ZNF69: variants seen among roughly 807,000 people sequenced by gnomAD.
ZNF69 encodes ZNF3.
Under a neutral mutation model 50.9 loss-of-function variants are expected in ZNF69, and 47 were observed. The ratio of observed to expected loss-of-function variants is 0.92; its 90% confidence interval spans 0.73 to 1.18. The LOEUF is 1.18. Ranked by LOEUF, ZNF69 falls within the 50% of genes most tolerant of loss-of-function variation. The pLI, the probability that ZNF69 is intolerant of heterozygous loss-of-function variation, is 0.00. For synonymous variants in ZNF69, 216 were observed against 223.1 expected, an observed-to-expected ratio of 0.97 and a Z score of 0.29; for missense variants, 717 against 675.1, an observed-to-expected ratio of 1.06 and a Z score of -0.69.
chr19:11,888,016 C>A (rs1349654693), intron 1 of ZNF69, 30 bp downstream of exon 1: 1 of 1,566,580 alleles, frequency 6.4e-7, no homozygotes, highest in Non-Finnish European at 8.7e-7. Flanking sequence ...TGTCGTGAGA[C>A]GGGGGAGGGG....
chr19:11,972,153 T>A, the ZNF69 span, among the ~76,000 whole-genome samples: 1 of 151,750 alleles, frequency 6.6e-6, no homozygotes, highest in African/African-American at 2.4e-5. Flanking sequence ...GTCATGGTGA[T>A]GTGTACCTGT....
the ZNF69 span, among the ~76,000 whole-genome samples, chr19:11,935,777 T>G: frequency 6.6e-6 from 1 of 152,208 alleles, no homozygotes; most frequent in Non-Finnish European, 1.5e-5. Context: ...TACATAGGTA[T>G]AACATGTGCC....
the ZNF69 span, among the ~76,000 whole-genome samples, chr19:11,955,768 A>G: frequency 6.6e-6 from 1 of 152,220 alleles, no homozygotes; most frequent in Middle Eastern, 3.2e-3. Flanking sequence ...CCTCCTTTGC[A>G]GGTTGGAGAA....
At chr19:11,959,462 T>C in the ZNF69 span, among the ~76,000 whole-genome samples, 2 of 152,162 alleles carry the variant, frequency 1.3e-5, no homozygotes, top group African/African-American at 4.8e-5. Context: ...CTTTGTATCT[T>C]TGTCATCTCT....
the ZNF69 span, among the ~76,000 whole-genome samples, chr19:11,963,566 A>G: frequency 6.6e-6 from 1 of 152,014 alleles, no homozygotes; most frequent in Admixed American, 6.6e-5. Context: ...CTCCTCATCA[A>G]TGACTTCTTT....
At chr19:11,947,360 G>T in the ZNF69 span, 1 of 1,610,816 alleles carries the variant, frequency 6.2e-7, no homozygotes, top group East Asian at 2.2e-5. Flanking sequence ...AGTGTTTCTA[G>T]CTCATGAATG....
At chr19:11,965,437 G>T in the ZNF69 span, among the ~76,000 whole-genome samples, 1 of 152,304 alleles carries the variant, frequency 6.6e-6, no homozygotes, top group Non-Finnish European at 1.5e-5. Flanking sequence ...CTGCGGCCCC[G>T]CCCCGGAGCC....
In ZNF69 at chr19:11,887,856, C is replaced by G. The variant is rs1041760735; in HGVS notation, c.-68C>G. ...CCCTGCGCGGGCTGCGGCTGGGATCCGGTCTTTCCAGCCCCGAGAGGGACC... is the reference window on the plus strand; with the variant it reads ...CCCTGCGCGGGCTGCGGCTGGGATCGGGTCTTTCCAGCCCCGAGAGGGACC... On this transcript the variant is annotated 5_prime_UTR_variant, in exon 1 of 4. Coordinates refer to ENST00000429654, the MANE Select transcript of ZNF69 (RefSeq NM_001364730.1). 1.5e-5 allele frequency: 22 copies of G among 1,457,392 alleles called. No homozygotes were observed. Among genetic ancestry groups the G allele is most frequent in the Non-Finnish European group, 2.0e-5 (21 of 1,050,288 alleles). 90.3% of individuals were successfully genotyped at this position (1,457,392 alleles called of 1,614,324 possible).
At chr19:11,928,508 G>A in the ZNF69 span, among the ~76,000 whole-genome samples, 15 of 149,540 alleles carry the variant, frequency 1.0e-4, no homozygotes, top group East Asian at 1.9e-4. Flanking sequence ...CGAGGCGGGC[G>A]GATCACGAGG....
the ZNF69 span, chr19:11,950,690 T>C: frequency 1.5e-5 from 4 of 258,716 alleles, no homozygotes; most frequent in South Asian, 1.7e-4. Flanking sequence ...TAAACAATTA[T>C]CATAAGTATA....
At chr19:11,965,189 G>A in the ZNF69 span, 1 of 1,614,048 alleles carries the variant, frequency 6.2e-7, no homozygotes. Context: ...GAGGACCCCA[G>A]GACATCTGAA....
chr19:11,918,522 C>T (rs1283223641), downstream of ZNF69, among the ~76,000 whole-genome samples: 1 of 152,110 alleles, frequency 6.6e-6, no homozygotes, highest in Non-Finnish European at 1.5e-5. Flanking sequence ...CATCCTTGCT[C>T]TGTAGCCCAG....
At chr19:11,910,067 C>A (rs1972435235), downstream of ZNF69, among the ~76,000 whole-genome samples, 1 of 151,640 alleles carries the variant, frequency 6.6e-6, no homozygotes, top group South Asian at 2.1e-4. Context: ...AACTCCCATT[C>A]ACAATTGCTT....
the ZNF69 span, chr19:11,948,421 G>C: frequency 1.2e-6 from 2 of 1,614,176 alleles, no homozygotes; most frequent in Non-Finnish European, 1.7e-6. Flanking sequence ...TGTGTGTGCA[G>C]AAGTTGGCAT....
intron 4 of ZNF69, among the ~76,000 whole-genome samples, chr19:11,911,783 A>C (rs1373334557): frequency 2.6e-5 from 4 of 152,194 alleles, no homozygotes; most frequent in African/African-American, 9.7e-5. Context: ...ACAAACCTGC[A>C]CATTGTGCAC....
intron 1 of ZNF69, among the ~76,000 whole-genome samples, chr19:11,891,021 T>G (rs968251322): frequency 2.0e-5 from 3 of 152,192 alleles, no homozygotes; most frequent in African/African-American, 7.2e-5. Context: ...TTAAGTTCTT[T>G]CTTATATTAC....
the ZNF69 span, among the ~76,000 whole-genome samples, chr19:11,927,960 G>A: frequency 6.6e-6 from 1 of 151,994 alleles, no homozygotes; most frequent in Non-Finnish European, 1.5e-5. Context: ...AATGTAACAG[G>A]ATTATGTTTT....
chr19:11,972,995 T>C, the ZNF69 span, among the ~76,000 whole-genome samples: 1 of 152,258 alleles, frequency 6.6e-6, no homozygotes, highest in East Asian at 1.9e-4. Flanking sequence ...TGCAAGAATA[T>C]ATTACATGTG....
At chr19:11,980,207 CCT>C in the ZNF69 span, 1 of 451,532 alleles carries the variant, frequency 2.2e-6, no homozygotes, top group South Asian at 2.2e-5. Flanking sequence ...TGATGAAACC[CCT>C]GTCTCTACTA....
Sources: allele counts gnomAD v4.1 joint callset (sites outside exome capture counted in the v4.1 genomes callset), GRCh38; gene constraint gnomAD v4.1.1; transcripts MANE v1.5; gene names NCBI Gene and HGNC (gene_info 2026-07-23, HGNC 2026-07-21).